The following CNTN5 variants were observed in gnomAD, a reference collection of about 807,000 sequenced individuals.
CNTN5 encodes contactin 5.
CNTN5 carries 77 observed loss-of-function variants against 129.1 expected under a neutral mutation model. That is an observed-to-expected ratio of 0.60 (90% confidence interval 0.50 to 0.72). The LOEUF (loss-of-function observed/expected upper bound fraction) is 0.72. CNTN5 is among the 30% of genes least tolerant of loss of function. CNTN5 has a pLI of 0.00. For synonymous variants in CNTN5, 509 were observed against 465.6 expected (o/e 1.09, Z -1.20); for missense variants, 1,478 against 1,328.8 (o/e 1.11, Z -1.75).
At chr11:99,813,179 G>A (rs889888415) in intron 3 of CNTN5, among the ~76,000 whole-genome samples, 1 of 152,010 alleles carries the variant, frequency 6.6e-6, no homozygotes, top group Non-Finnish European at 1.5e-5. Context: ...GAGAAAACTT[G>A]GAAAAAAGAA....
chr11:99,231,326 T>C (rs970206134), intron 1 of CNTN5, among the ~76,000 whole-genome samples: 1 of 152,194 alleles, frequency 6.6e-6, no homozygotes, highest in African/African-American at 2.4e-5. Flanking sequence ...TCTTGACTTT[T>C]TAATAATCAC....
intron 3 of CNTN5, among the ~76,000 whole-genome samples, chr11:99,729,732 A>G (rs1943466588): frequency 6.6e-6 from 1 of 152,202 alleles, no homozygotes; most frequent in Non-Finnish European, 1.5e-5. Context: ...AAAAGGAGTG[A>G]GATCATGTCC....
At chr11:100,140,667 A>G (rs530519006) in intron 13 of CNTN5, among the ~76,000 whole-genome samples, 35 of 152,320 alleles carry the variant, frequency 2.3e-4, no homozygotes, top group African/African-American at 6.5e-4. Context: ...GAGGAGGGTA[A>G]GAAACTGAGA....
intron 8 of CNTN5, among the ~76,000 whole-genome samples, chr11:99,964,231 C>G (rs917587913): frequency 6.7e-6 from 1 of 148,890 alleles, no homozygotes. Context: ...GCATCCCTGT[C>G]TTGTGCCCGT....
At chr11:100,011,563 C>T (rs1374492454) in intron 9 of CNTN5, among the ~76,000 whole-genome samples, 1 of 152,106 alleles carries the variant, frequency 6.6e-6, no homozygotes, top group Non-Finnish European at 1.5e-5. Flanking sequence ...ATGTGAATGA[C>T]CTTTGCAAAC....
chr11:100,114,728 A>G (rs937444319), intron 13 of CNTN5, among the ~76,000 whole-genome samples: 2 of 151,988 alleles, frequency 1.3e-5, no homozygotes, highest in African/African-American at 2.4e-5. Context: ...TCCTTTCCCC[A>G]TTCAACAAAT....
intron 3 of CNTN5, among the ~76,000 whole-genome samples, chr11:99,780,203 G>A (rs951217639): frequency 6.6e-6 from 1 of 151,902 alleles, no homozygotes; most frequent in South Asian, 2.1e-4. Flanking sequence ...GATTAATTAA[G>A]CCTTTTGCAT....
chr11:99,126,854 A>C (rs1858661558), intron 1 of CNTN5, among the ~76,000 whole-genome samples: 1 of 152,122 alleles, frequency 6.6e-6, no homozygotes. Context: ...ACTGGATGTC[A>C]GTTAAACTTT....
chr11:99,179,469 TAAACAA>T lies in CNTN5; in HGVS notation c.-209-145869_-209-145864del, dbSNP rs889975280. 2.6e-5 allele frequency among the ~76,000 whole-genome samples: 4 copies of T among 151,904 alleles called. No individual in the cohort carries two copies. The East Asian group carries it at 7.7e-4, about 29-fold the overall frequency. ...AAGTAAAAAATAAATAAATAAAAAA[TAAACAA>T]AAACAAACATAAAAAACAACAAAAA... is the stretch of plus-strand genomic sequence containing the variant. On this transcript the variant is annotated intron_variant, in intron 1 of 24. Transcript: ENST00000524871.
chr11:100,286,206 C>T (rs1048673790), intron 18 of CNTN5, among the ~76,000 whole-genome samples: 1 of 152,150 alleles, frequency 6.6e-6, no homozygotes, highest in African/African-American at 2.4e-5. Context: ...CCCAGGCTTG[C>T]TTAGGTAAAC....
intron 3 of CNTN5, among the ~76,000 whole-genome samples, chr11:99,570,542 A>G (rs1054649092): frequency 1.3e-5 from 2 of 152,246 alleles, no homozygotes; most frequent in Admixed American, 1.3e-4. Flanking sequence ...TACCAGTTAC[A>G]TAATAATTTT....
At chr11:100,288,198 A>G (rs530134582) in intron 18 of CNTN5, among the ~76,000 whole-genome samples, 2 of 152,290 alleles carry the variant, frequency 1.3e-5, no homozygotes, top group African/African-American at 4.8e-5. Flanking sequence ...AGACAGATCA[A>G]CGAGACAGAA....
chr11:99,738,078 C>T (rs1371826296), intron 3 of CNTN5, among the ~76,000 whole-genome samples: 4 of 152,092 alleles, frequency 2.6e-5, no homozygotes, highest in Non-Finnish European at 5.9e-5. Flanking sequence ...AAAGGAGGCA[C>T]ACAAATTAGT....
rs1358370986 is a variant in CNTN5, at chr11:100,352,557, T to C, written c.3199+1687T>C. On this transcript the variant is annotated intron_variant, in intron 24 of 24. Transcript: ENST00000524871. ...TCAACATTTAAGGAATCTGGGTGAA[T>C]TCCTTAGTCTCACAACTTTTCAGTA... Among the ~76,000 whole-genome samples the C allele has an allele frequency of 2.6e-5, 4 of 151,692 alleles. No homozygotes were observed. The East Asian group carries it at 7.7e-4, about 29-fold the overall frequency.
In CNTN5 at chr11:99,732,829, G is replaced by T. The variant is rs544710522; in HGVS notation, c.56-86715G>T. Among the ~76,000 whole-genome samples, 9 of 151,164 alleles carry T rather than the reference G, an allele frequency of 6.0e-5. No homozygotes were observed. The East Asian group carries it at 1.8e-3, about 30-fold the overall frequency. On this transcript the variant is annotated intron_variant, in intron 3 of 24. Transcript: ENST00000524871. ...GTATGAAAGATTAGTGGGACTGAAAGCGACCAGTTAAGATGCTGGTGGAAT... is the reference window on the plus strand; with the variant it reads ...GTATGAAAGATTAGTGGGACTGAAATCGACCAGTTAAGATGCTGGTGGAAT...
At chr11:99,881,711 G>T (rs1177804180) in intron 6 of CNTN5, among the ~76,000 whole-genome samples, 1 of 152,218 alleles carries the variant, frequency 6.6e-6, no homozygotes, top group Non-Finnish European at 1.5e-5. Context: ...CTGAGGCAAT[G>T]ATTTTTTACT....
chr11:99,098,499 G>A (rs898038719), intron 1 of CNTN5, among the ~76,000 whole-genome samples: 4 of 151,902 alleles, frequency 2.6e-5, no homozygotes, highest in Non-Finnish European at 4.4e-5. Context: ...ACACCACAGG[G>A]GACAACTGCA....
At chr11:99,610,976 C>A (rs1950576579) in intron 3 of CNTN5, among the ~76,000 whole-genome samples, 1 of 152,180 alleles carries the variant, frequency 6.6e-6, no homozygotes, top group African/African-American at 2.4e-5. Context: ...CAAAGCAAAT[C>A]ATTGAAACTG....
At chr11:100,039,350 A>T (rs916496705) in intron 9 of CNTN5, among the ~76,000 whole-genome samples, 1 of 152,128 alleles carries the variant, frequency 6.6e-6, no homozygotes, top group Non-Finnish European at 1.5e-5. Context: ...TGTTTGTCTG[A>T]TGGGCTTCCC....
Sources: gnomAD v4.1 joint callset for allele counts (sites outside exome capture counted in the v4.1 genomes callset) on GRCh38, gnomAD v4.1.1 for gene constraint, MANE v1.5 for transcripts, NCBI Gene and HGNC (gene_info 2026-07-23, HGNC 2026-07-21) for gene names.